PACS2: variants seen among roughly 807,000 people sequenced by gnomAD.
The protein encoded by PACS2 is PACS1-like protein.
PACS2 carries 36 observed loss-of-function variants against 113.0 expected under a neutral mutation model. The observed-to-expected ratio is 0.32, with a 90% CI of 0.24 to 0.42. The LOEUF is 0.42. PACS2 is among the 10% of genes least tolerant of loss of function. PACS2 has a pLI of 1.00. For missense variants in PACS2, 1,015 were observed against 1,239.5 expected, an observed-to-expected ratio of 0.82 and a Z score of 2.72; for synonymous variants, 589 against 536.1, an observed-to-expected ratio of 1.10 and a Z score of -1.36.
Position 105,369,885 on chromosome 14 carries a change from C to G in PACS2, c.786C>G (p.Phe262Leu). 6.2e-7 allele frequency: 1 copy of G among 1,604,100 alleles called. No homozygotes were observed. The highest frequency in any genetic ancestry group is 1.1e-5 in the South Asian group (1 of 90,188). The change falls in exon 8 of 25, where the codon TTC becomes TTG. Residue 262 changes from phenylalanine to leucine, a missense_variant. Coordinates refer to ENST00000447393, the MANE Select transcript of PACS2 (RefSeq NM_001100913.3). ...KQKVVALLRR[F>L]KVSDEVLDSE... The stretch of plus-strand genomic sequence containing the variant: ...AAGTGGTAGCGCTGCTGCGGAGGTT[C>G]AAAGTGTCCGACGAGGTGAGTGCGC...
chr14:105,313,827 G>A (rs1191572971), upstream of PACS2, among the ~76,000 whole-genome samples: 1 of 152,248 alleles, frequency 6.6e-6, no homozygotes, highest in Non-Finnish European at 1.5e-5. Flanking sequence ...CTGGACCACA[G>A]CCGCTGCCAA....
chr14:105,359,895 G>A (rs587720185), intron 4 of PACS2, among the ~76,000 whole-genome samples: 2 of 152,240 alleles, frequency 1.3e-5, no homozygotes, highest in Non-Finnish European at 2.9e-5. Flanking sequence ...CCGGCCAAGT[G>A]TTGGTATTTC....
intron 2 of PACS2, among the ~76,000 whole-genome samples, chr14:105,349,950 A>AATGCAGGACCCCGAGAACTTCCAGGAGT (rs1230927741): frequency 1.8e-5 from 2 of 113,434 alleles, no homozygotes; most frequent in African/African-American, 7.6e-5. Flanking sequence ...CTTCCAGGAG[A>AATGCAGGACCCCGAGAACTTCCAGGAGT]GCGTGGCTAA....
chr14:105,383,074 C>T lies in PACS2; in HGVS notation c.1625+161C>T, dbSNP rs587724832. On this transcript the variant is annotated intron_variant, in intron 15 of 24. Coordinates refer to ENST00000447393, the MANE Select transcript of PACS2 (RefSeq NM_001100913.3). ...TGCGCTCTTCGCAGCCTGGCCTCCC[C>T]TCAGTTGTGGGCGGGAGCAGCAGCC... 760 of 630,234 alleles carry T rather than the reference C, an allele frequency of 1.2e-3. 1 individual carries two copies. Among genetic ancestry groups the T allele is most frequent in the Non-Finnish European group, 1.8e-3 (639 of 352,990 alleles). 39.0% of individuals were successfully genotyped at this position (630,234 alleles called of 1,614,324 possible).
At chr14:105,352,874 G>A (rs1240659411) in intron 3 of PACS2, among the ~76,000 whole-genome samples, 4 of 40,738 alleles carry the variant, frequency 9.8e-5, no homozygotes, top group African/African-American at 4.0e-4. Context: ...AGACGGGCAC[G>A]CCTCATCACT....
intron 9 of PACS2, among the ~76,000 whole-genome samples, chr14:105,379,033 T>C (rs967716866): frequency 3.3e-5 from 5 of 150,870 alleles, no homozygotes; most frequent in Admixed American, 2.6e-4. Flanking sequence ...TAGGCCTGGA[T>C]GGTCGGGAAG....
chr14:105,355,386 G>T lies in PACS2; in HGVS notation c.423+209G>T, dbSNP rs2060397685. Among the ~76,000 whole-genome samples the T allele has an allele frequency of 6.6e-6, 1 of 152,254 alleles. No homozygotes were observed. Among genetic ancestry groups the T allele is most frequent in the Non-Finnish European group, 1.5e-5 (1 of 68,048 alleles). ...CTCTCTGACCTTCCCTTGCCGCCTAGCATGGCTCCCCGCATGCCTGCAGCC... is the reference window on the plus strand; with the variant it reads ...CTCTCTGACCTTCCCTTGCCGCCTATCATGGCTCCCCGCATGCCTGCAGCC... On this transcript the variant is annotated intron_variant, in intron 4 of 24. Transcript: ENST00000447393. The surrounding 1 kb of genome is among the most constrained non-coding windows in gnomAD (Gnocchi z 4.1).
At chr14:105,327,115 G>A (rs766086996) in intron 1 of PACS2, among the ~76,000 whole-genome samples, 8 of 152,222 alleles carry the variant, frequency 5.3e-5, no homozygotes, top group African/African-American at 1.4e-4. Context: ...TGTCTCCTGC[G>A]GGAGGTGTCA....
chr14:105,322,407 G>A (rs2058930324), intron 1 of PACS2, among the ~76,000 whole-genome samples: 1 of 150,944 alleles, frequency 6.6e-6, no homozygotes, highest in African/African-American at 2.4e-5. Context: ...GGAACTACAG[G>A]TGCGCGCCAC....
chr14:105,368,653 C>T, intron 7 of PACS2, 114 bp downstream of exon 7: 1 of 795,608 alleles, frequency 1.3e-6, no homozygotes, highest in African/African-American at 1.7e-5. Flanking sequence ...CCCCAGGTCA[C>T]AGCAGCATGT....
chr14:105,358,630 G>A lies in PACS2; in HGVS notation c.423+3453G>A, dbSNP rs1044915552. 6.6e-6 allele frequency among the ~76,000 whole-genome samples: 1 copy of A among 152,182 alleles called. No individual in the cohort carries two copies. The highest frequency in any genetic ancestry group is 1.5e-5 in the Non-Finnish European group (1 of 68,028). On this transcript the variant is annotated intron_variant, in intron 4 of 24. Coordinates refer to ENST00000447393, the MANE Select transcript of PACS2 (RefSeq NM_001100913.3). The surrounding 1 kb of genome is among the most constrained non-coding windows in gnomAD (Gnocchi z 4.9). ...AAGACAGGAAGGTTGACAGACCCAT[G>A]ACCAGGCGAAGGGGTGACCTGGGAG...
At chr14:105,347,680 A>C (rs1339352447) in intron 1 of PACS2, among the ~76,000 whole-genome samples, 1 of 152,208 alleles carries the variant, frequency 6.6e-6, no homozygotes. Context: ...CTGAGCAAGA[A>C]GAAAAATGAG....
In PACS2 at chr14:105,356,286, C is replaced by G. The variant is rs1555405296; in HGVS notation, c.423+1109C>G. Among the ~76,000 whole-genome samples, 2 of 152,206 alleles carry G rather than the reference C, an allele frequency of 1.3e-5. No homozygotes were observed. Among genetic ancestry groups the G allele is most frequent in the African/African-American group, 4.8e-5 (2 of 41,450 alleles). On this transcript the variant is annotated intron_variant, in intron 4 of 24. Coordinates refer to ENST00000447393, the MANE Select transcript of PACS2 (RefSeq NM_001100913.3). The surrounding 1 kb of genome is among the most constrained non-coding windows in gnomAD (Gnocchi z 4.0). ...TGCCAAGTACTACTCTGGGCTCAGC[C>G]CTCCCTGCTACCCCAGGAGATGGGA...
chr14:105,365,456 G>C lies in PACS2; in HGVS notation c.424-1757G>C, dbSNP rs782264015. On this transcript the variant is annotated intron_variant, in intron 4 of 24. Coordinates refer to ENST00000447393, the MANE Select transcript of PACS2 (RefSeq NM_001100913.3). This position sits in a 1 kb window ranked among gnomAD's most constrained non-coding sequence, Gnocchi z 5.1. ...CAACAACCCGCCCCTGGCCCGCTGC[G>C]GGCCCAGCAGAGCATTCCCACTACA... Among the ~76,000 whole-genome samples the C allele has an allele frequency of 9.9e-5, 15 of 152,132 alleles. No homozygotes were observed. The highest frequency in any genetic ancestry group is 1.6e-4 in the Non-Finnish European group (11 of 67,996).
chr14:105,301,681 C>A (rs944210496), intron 1 of PACS2, among the ~76,000 whole-genome samples: 2 of 152,256 alleles, frequency 1.3e-5, no homozygotes, highest in Admixed American at 6.5e-5. Context: ...CCTAAAATTC[C>A]CACTTTCTAG....
chr14:105,309,828 C>T (rs1030748082), upstream of PACS2, among the ~76,000 whole-genome samples: 6 of 144,992 alleles, frequency 4.1e-5, no homozygotes, highest in Non-Finnish European at 7.4e-5. The surrounding 1 kb of genome is among the most constrained non-coding windows in gnomAD (Gnocchi z 4.0). Context: ...CTCTCTTGCC[C>T]AGGCAGGAGT....
chr14:105,385,631 G>A, intron 18 of PACS2, 54 bp from the exon 19 acceptor site: 4 of 1,373,646 alleles, frequency 2.9e-6, no homozygotes, highest in East Asian at 2.5e-5. Flanking sequence ...CCCTGGAGGG[G>A]TCCTGAGGGC....
chr14:105,338,051 C>T (rs2140945819), intron 1 of PACS2, among the ~76,000 whole-genome samples: 1 of 152,316 alleles, frequency 6.6e-6, no homozygotes, highest in Non-Finnish European at 1.5e-5. Flanking sequence ...CCATGGAGGT[C>T]CTGCCCCGCC....
At chr14:105,332,665 C>T (rs1464016519) in intron 1 of PACS2, among the ~76,000 whole-genome samples, 2 of 152,186 alleles carry the variant, frequency 1.3e-5, no homozygotes, top group Non-Finnish European at 2.9e-5. Flanking sequence ...GGCTTCTCTG[C>T]GGGGCCTCTG....
Sources: allele counts gnomAD v4.1 joint callset (sites outside exome capture counted in the v4.1 genomes callset), GRCh38; gene constraint gnomAD v4.1.1; non-coding constraint Gnocchi (gnomAD v3.1); transcripts MANE v1.5; gene names NCBI Gene and HGNC (gene_info 2026-07-23, HGNC 2026-07-21).